Variants in TMEM178A observed in about 807,000 individuals in gnomAD.
TMEM178A encodes transmembrane protein 178.
TMEM178A carries 12 observed loss-of-function variants against 29.1 expected under a neutral mutation model. The observed-to-expected ratio is 0.41, with a 90% confidence interval of 0.26 to 0.67. The LOEUF (loss-of-function observed/expected upper bound fraction) is 0.67, where lower values mean the gene tolerates loss of function less well. TMEM178A is among the 30% of genes least tolerant of loss of function. TMEM178A has a pLI of 0.29. For synonymous variants in TMEM178A, 210 were observed against 187.2 expected (o/e 1.12, Z -0.99); for missense variants, 366 against 419.1 (o/e 0.87, Z 1.11).
chr2:39,681,793 AAACTC>A (rs1670880387), intron 1 of TMEM178A, among the ~76,000 whole-genome samples: 3 of 152,216 alleles, frequency 2.0e-5, no homozygotes, highest in Admixed American at 1.3e-4. Flanking sequence ...TTCTCTCACA[AAACTC>A]AGAGCAGTTT....
the TMEM178A span, among the ~76,000 whole-genome samples, chr2:39,728,072 G>A: frequency 0.56 from 85,087 of 151,944 alleles, 24,728 homozygotes; most frequent in East Asian, 0.75. Context: ...CTTTGGGTAT[G>A]TACCCAGTAA....
At chr2:39,726,176 G>T in the TMEM178A span, among the ~76,000 whole-genome samples, 1 of 152,264 alleles carries the variant, frequency 6.6e-6, no homozygotes, top group East Asian at 1.9e-4. Context: ...TTGTGCAGTA[G>T]GTGGTGGTGA....
intron 1 of TMEM178A, among the ~76,000 whole-genome samples, chr2:39,673,545 C>T (rs576005632): frequency 1.3e-5 from 2 of 152,262 alleles, no homozygotes; most frequent in African/African-American, 4.8e-5. Context: ...TTGGTTTCAC[C>T]AAGTGATTTG....
chr2:39,695,363 A>T (rs1205864467), intron 1 of TMEM178A, among the ~76,000 whole-genome samples: 1 of 150,984 alleles, frequency 6.6e-6, no homozygotes. Context: ...ATCCAGAAAA[A>T]AGTCACAGCC....
At chr2:39,667,662 T>G (rs1288170041) in intron 1 of TMEM178A, among the ~76,000 whole-genome samples, 8 of 152,224 alleles carry the variant, frequency 5.3e-5, no homozygotes, top group African/African-American at 1.9e-4. Context: ...TCTTCATTTC[T>G]CAAACATGTC....
upstream of TMEM178A, chr2:39,665,891 G>T: frequency 1.7e-6 from 2 of 1,202,552 alleles, no homozygotes; most frequent in Non-Finnish European, 2.1e-6. Context: ...AAGAGGGAGG[G>T]AGCGGGCGGA....
chr2:39,666,428 G>C, intron 1 of TMEM178A, 54 bp downstream of exon 1: 3 of 1,240,918 alleles, frequency 2.4e-6, no homozygotes, highest in Non-Finnish European at 3.0e-6. Flanking sequence ...AGCGCAGCCC[G>C]CGGCTTCCCA....
chr2:39,713,720 CTTTG>C (rs1179767932), intron 3 of TMEM178A, among the ~76,000 whole-genome samples: 4 of 152,184 alleles, frequency 2.6e-5, no homozygotes, highest in African/African-American at 4.8e-5. Context: ...GTCCGTGGTA[CTTTG>C]TTTGGCAGCT....
the TMEM178A span, among the ~76,000 whole-genome samples, chr2:39,725,470 T>A: frequency 6.6e-6 from 1 of 152,190 alleles, no homozygotes; most frequent in Non-Finnish European, 1.5e-5. Flanking sequence ...AAATCTTCCT[T>A]CAGGGAAAGA....
chr2:39,719,673 CAGA>C (rs1266643993), downstream of TMEM178A, among the ~76,000 whole-genome samples: 1 of 152,200 alleles, frequency 6.6e-6, no homozygotes, highest in African/African-American at 2.4e-5. Context: ...CTGTGCAGGA[CAGA>C]ATAATTTATT....
the TMEM178A span, among the ~76,000 whole-genome samples, chr2:39,723,051 T>G: frequency 6.6e-6 from 1 of 152,228 alleles, no homozygotes; most frequent in African/African-American, 2.4e-5. Context: ...GGGCCTGGGC[T>G]CCCTTGACTT....
At chr2:39,725,041 A>T in the TMEM178A span, among the ~76,000 whole-genome samples, 2 of 152,230 alleles carry the variant, frequency 1.3e-5, no homozygotes, top group African/African-American at 4.8e-5. Context: ...TCAAGGGATG[A>T]ACCAGTTCTT....
At chr2:39,680,195 G>A (rs1414256566) in intron 1 of TMEM178A, among the ~76,000 whole-genome samples, 2 of 152,136 alleles carry the variant, frequency 1.3e-5, no homozygotes, top group South Asian at 2.1e-4. Context: ...GGTTGGATTC[G>A]TGTAACCTGT....
intron 1 of TMEM178A, among the ~76,000 whole-genome samples, chr2:39,682,730 A>G (rs1295462557): frequency 6.6e-6 from 1 of 152,234 alleles, no homozygotes; most frequent in African/African-American, 2.4e-5. Context: ...TATTTAGAGA[A>G]TGATGTAAAT....
chr2:39,667,593 A>T (rs1484558050), intron 1 of TMEM178A, among the ~76,000 whole-genome samples: 1 of 152,212 alleles, frequency 6.6e-6, no homozygotes, highest in Admixed American at 6.5e-5. Flanking sequence ...GAATGGAATG[A>T]CATAGAAAAG....
At chr2:39,697,350 A>G (rs1572677108) in intron 1 of TMEM178A, among the ~76,000 whole-genome samples, 1 of 152,332 alleles carries the variant, frequency 6.6e-6, no homozygotes, top group East Asian at 1.9e-4. Flanking sequence ...ACTTTCTGCT[A>G]TGACAGTGGA....
At chr2:39,675,951 CT>C (rs1222847714) in intron 1 of TMEM178A, among the ~76,000 whole-genome samples, 1 of 151,990 alleles carries the variant, frequency 6.6e-6, no homozygotes, top group Non-Finnish European at 1.5e-5. Flanking sequence ...AGCTACTTTT[CT>C]TTTTAAATTT....
the TMEM178A span, among the ~76,000 whole-genome samples, chr2:39,734,902 T>C: frequency 6.6e-6 from 1 of 152,166 alleles, no homozygotes; most frequent in Non-Finnish European, 1.5e-5. Flanking sequence ...ACTTTCGAAA[T>C]ACATCCAGAA....
At chr2:39,711,996 C>G (rs1267844827) in intron 3 of TMEM178A, among the ~76,000 whole-genome samples, 4 of 150,596 alleles carry the variant, frequency 2.7e-5, no homozygotes, top group African/African-American at 9.8e-5. Flanking sequence ...TTGCTTCAAT[C>G]TTTCAGAAAA....
Sources: allele counts gnomAD v4.1 joint callset (sites outside exome capture counted in the v4.1 genomes callset), GRCh38; gene constraint gnomAD v4.1.1; transcripts MANE v1.5; gene names NCBI Gene and HGNC (gene_info 2026-07-23, HGNC 2026-07-21).